The following PRKN variants were observed in gnomAD, a reference collection of about 807,000 sequenced individuals.
The protein encoded by PRKN is parkin RBR E3 ubiquitin protein ligase, also known as E3 ubiquitin-protein ligase parkin.
In PRKN, 56 loss-of-function variants were observed where a neutral mutation model predicts 59.5. That is an observed-to-expected ratio of 0.94 (90% CI 0.76 to 1.18). PRKN has a LOEUF of 1.18. PRKN is among the 50% of genes most tolerant of loss of function. The pLI, the probability that PRKN is intolerant of heterozygous loss-of-function variation, is 0.00. For missense variants in PRKN, 657 were observed against 596.4 expected, an observed-to-expected ratio of 1.10 and a Z score of -1.06; for synonymous variants, 250 against 222.1, an observed-to-expected ratio of 1.13 and a Z score of -1.12.
intron 9 of PRKN, among the ~76,000 whole-genome samples, chr6:161,411,682 A>T (rs1217828521): frequency 6.6e-6 from 1 of 151,046 alleles, no homozygotes; most frequent in African/African-American, 2.4e-5. Context: ...TCCCCCACTT[A>T]TGCATTCTTC....
chr6:161,667,487 CAG>C (rs916679617), intron 7 of PRKN, among the ~76,000 whole-genome samples: 2 of 152,198 alleles, frequency 1.3e-5, no homozygotes, highest in East Asian at 1.9e-4. Context: ...CCCCTTCACG[CAG>C]AGTTTATTTT....
intron 1 of PRKN, among the ~76,000 whole-genome samples, chr6:162,579,640 C>T (rs1479950121): frequency 6.6e-6 from 1 of 151,346 alleles, no homozygotes; most frequent in African/African-American, 2.4e-5. Flanking sequence ...CAAATTCACA[C>T]AGATTTACAC....
At chr6:162,017,549 T>C (rs1026978091) in intron 5 of PRKN, among the ~76,000 whole-genome samples, 2 of 152,188 alleles carry the variant, frequency 1.3e-5, no homozygotes, top group Admixed American at 1.3e-4. Context: ...TTTTAACCAT[T>C]GTAACTATAA....
At chr6:161,680,776 T>TATA (rs1491495272) in intron 7 of PRKN, among the ~76,000 whole-genome samples, 149 of 18,732 alleles carry the variant, frequency 8.0e-3, no homozygotes, top group Admixed American at 0.016. Flanking sequence ...TATATATATA[T>TATA]TTTTTTTTTT....
intron 5 of PRKN, among the ~76,000 whole-genome samples, chr6:161,974,690 T>A (rs1340614195): frequency 1.3e-5 from 2 of 152,248 alleles, no homozygotes; most frequent in East Asian, 3.9e-4. Flanking sequence ...AATACATATA[T>A]TTTACTGGAT....
chr6:162,044,922 G>T (rs765377114), intron 5 of PRKN, among the ~76,000 whole-genome samples: 3 of 152,182 alleles, frequency 2.0e-5, no homozygotes, highest in Non-Finnish European at 2.9e-5. Context: ...ACAGAGGGAA[G>T]TCCTTGCATG....
chr6:161,890,433 G>T (rs1315318684), intron 6 of PRKN, among the ~76,000 whole-genome samples: 2 of 152,156 alleles, frequency 1.3e-5, no homozygotes, highest in African/African-American at 4.8e-5. Flanking sequence ...AGACTCTGGG[G>T]TTCCACAACG....
At chr6:162,680,381 A>T (rs1478296780) in intron 1 of PRKN, among the ~76,000 whole-genome samples, 1 of 150,248 alleles carries the variant, frequency 6.7e-6, no homozygotes, top group East Asian at 1.9e-4. Context: ...GAAACAAATT[A>T]AAAAACATAT....
Position 162,483,843 on chromosome 6 carries a change from C to T in PRKN, c.8-40370G>A, listed in dbSNP as rs1216922048. 5.9e-5 allele frequency among the ~76,000 whole-genome samples: 9 copies of T among 152,140 alleles called. No individual in the cohort carries two copies. The East Asian group carries it at 1.5e-3, about 26-fold the overall frequency. Reference sequence around the variant, plus strand: ...TATAAAACTACTAATTGCAAGATTGCTTATAACAGCTAAAGCTGAAAAAAT... The same window carrying T: ...TATAAAACTACTAATTGCAAGATTGTTTATAACAGCTAAAGCTGAAAAAAT... On this transcript the variant is annotated intron_variant, in intron 1 of 11. Transcript: ENST00000366898.
intron 5 of PRKN, among the ~76,000 whole-genome samples, chr6:162,008,798 C>A (rs144241249): frequency 6.6e-6 from 1 of 152,142 alleles, no homozygotes; most frequent in African/African-American, 2.4e-5. Flanking sequence ...ATTTATTTAG[C>A]CTTACAATAT....
intron 10 of PRKN, among the ~76,000 whole-genome samples, chr6:161,368,405 A>ATATG (rs1451417220): frequency 2.1e-5 from 3 of 144,024 alleles, no homozygotes; most frequent in Admixed American, 7.0e-5. Context: ...ATATATATAT[A>ATATG]TATGCTGGGC....
intron 7 of PRKN, among the ~76,000 whole-genome samples, chr6:161,689,805 G>A (rs1052718991): frequency 3.2e-4 from 48 of 152,150 alleles, no homozygotes; most frequent in African/African-American, 1.1e-3. Flanking sequence ...CTGCCTCCCA[G>A]GTTCAAGTGA....
intron 3 of PRKN, among the ~76,000 whole-genome samples, chr6:162,208,998 G>C (rs1223231959): frequency 6.6e-6 from 1 of 152,090 alleles, no homozygotes; most frequent in Non-Finnish European, 1.5e-5. Context: ...AAAAACCCTA[G>C]AAGAAAACCT....
At chr6:161,515,749 G>A (rs147720398) in intron 9 of PRKN, among the ~76,000 whole-genome samples, 1 of 152,118 alleles carries the variant, frequency 6.6e-6, no homozygotes, top group African/African-American at 2.4e-5. Flanking sequence ...TTTCCAGTGG[G>A]TTAGCTTTCA....
chr6:161,955,765 G>A (rs557198634), intron 6 of PRKN, among the ~76,000 whole-genome samples: 3 of 152,266 alleles, frequency 2.0e-5, no homozygotes, highest in Non-Finnish European at 4.4e-5. Context: ...CAGGAGAATC[G>A]CTTGAACTGG....
chr6:162,698,656 C>G (rs781290116), intron 1 of PRKN, among the ~76,000 whole-genome samples: 3 of 152,152 alleles, frequency 2.0e-5, no homozygotes, highest in Non-Finnish European at 4.4e-5. Flanking sequence ...GAACTGACTT[C>G]TACAGCTCTC....
chr6:162,226,227 G>T (rs1328906727), intron 3 of PRKN, among the ~76,000 whole-genome samples: 1 of 151,994 alleles, frequency 6.6e-6, no homozygotes, highest in Non-Finnish European at 1.5e-5. Flanking sequence ...AGGGCTATGC[G>T]CTTTGAGACA....
At chr6:161,936,788 A>ATT (rs72306983) in intron 6 of PRKN, among the ~76,000 whole-genome samples, 5 of 139,160 alleles carry the variant, frequency 3.6e-5, no homozygotes, top group African/African-American at 1.1e-4. Context: ...TTTGTTTCAT[A>ATT]TTTTTTTTTT....
chr6:161,690,966 C>CATCT (rs1163166804), intron 7 of PRKN, among the ~76,000 whole-genome samples: 1 of 140,922 alleles, frequency 7.1e-6, no homozygotes, highest in Non-Finnish European at 1.5e-5. Context: ...ACAATCCATC[C>CATCT]ATCCATCCAT....
Sources: allele counts gnomAD v4.1 joint callset (sites outside exome capture counted in the v4.1 genomes callset), GRCh38; gene constraint gnomAD v4.1.1; transcripts MANE v1.5; gene names NCBI Gene and HGNC (gene_info 2026-07-23, HGNC 2026-07-21).